BCL11B: variants seen among roughly 807,000 people sequenced by gnomAD.
BCL11B encodes BCL11 transcription factor B, also known as B-cell lymphoma/leukemia 11B.
Under a neutral mutation model 49.9 loss-of-function variants are expected in BCL11B, and 8 were observed. That is an observed-to-expected ratio of 0.16 (90% CI 0.09 to 0.29). BCL11B has a LOEUF of 0.29. Among genes scored for constraint, BCL11B ranks in the 10% least tolerant of loss-of-function variants. BCL11B has a pLI of 1.00. For synonymous variants in BCL11B, 739 were observed against 637.4 expected, an observed-to-expected ratio of 1.16 and a Z score of -2.40; for missense variants, 1,006 against 1,351.0, an observed-to-expected ratio of 0.74 and a Z score of 4.00.
At chr14:99,250,167 C>A (rs1320176025) in intron 2 of BCL11B, among the ~76,000 whole-genome samples, 7 of 151,204 alleles carry the variant, frequency 4.6e-5, no homozygotes, top group Admixed American at 2.6e-4. Context: ...TCCTGAGTAG[C>A]TGGGACTACA....
rs776138769 is a variant in BCL11B, at chr14:99,242,699, A to G, written c.428-11142T>C. ...TCTGTATTTCCTAACTAACAAGACT[A>G]ATCCAGAGGTTTTGGACCCTGCCAG... On this transcript the variant is annotated intron_variant, in intron 2 of 3. Transcript: ENST00000357195. The surrounding 1 kb of genome is among the most constrained non-coding windows in gnomAD (Gnocchi z 4.4). Among the ~76,000 whole-genome samples the G allele has an allele frequency of 3.9e-5, 6 of 152,276 alleles. No homozygotes were observed. Among genetic ancestry groups the G allele is most frequent in the Non-Finnish European group, 8.8e-5 (6 of 68,048 alleles).
chr14:99,259,968 T>C (rs1889288858), intron 1 of BCL11B, among the ~76,000 whole-genome samples: 1 of 152,232 alleles, frequency 6.6e-6, no homozygotes, highest in Non-Finnish European at 1.5e-5. Context: ...ATACTGTTTA[T>C]ATTGAAAAGC....
At chr14:99,270,553 G>A (rs940399606) in intron 1 of BCL11B, among the ~76,000 whole-genome samples, 2 of 152,126 alleles carry the variant, frequency 1.3e-5, no homozygotes, top group East Asian at 2.0e-4. Context: ...AGCAGGAGGA[G>A]GGGAGAGAAA....
chr14:99,221,820 G>A (rs982091526), intron 3 of BCL11B, among the ~76,000 whole-genome samples: 6 of 152,236 alleles, frequency 3.9e-5, no homozygotes, highest in African/African-American at 7.2e-5. Context: ...GCACCCCATC[G>A]CAGTGAGTTC....
At chr14:99,259,354 A>C (rs1889271433) in intron 1 of BCL11B, among the ~76,000 whole-genome samples, 1 of 152,212 alleles carries the variant, frequency 6.6e-6, no homozygotes, top group African/African-American at 2.4e-5. Flanking sequence ...CTCCCATCCT[A>C]CACATAAATC....
At chr14:99,187,404 T>A (rs986787311) in intron 3 of BCL11B, among the ~76,000 whole-genome samples, 1 of 152,132 alleles carries the variant, frequency 6.6e-6, no homozygotes, top group Non-Finnish European at 1.5e-5. Context: ...AAAGAATGCG[T>A]TGTCAGAGTC....
chr14:99,174,995 A>C lies in BCL11B; in HGVS notation c.1841T>G (p.Leu614Arg), dbSNP rs1286947252. 3.2e-6 allele frequency: 5 copies of C among 1,581,836 alleles called. No individual in the cohort carries two copies. Among genetic ancestry groups the C allele is most frequent in the Non-Finnish European group, 3.4e-6 (4 of 1,171,038 alleles). Residue 614 changes from leucine to arginine, a missense_variant, in exon 4 of 4, where the codon CTG (leucine) becomes CGG (arginine). Coordinates refer to ENST00000357195, the MANE Select transcript of BCL11B (RefSeq NM_138576.4). Reference protein sequence around the residue: ...LGALPQYGELLADKQKRGAFL... With the variant: ...LGALPQYGELRADKQKRGAFL... Reference sequence around the variant, plus strand: ...GGCGCCGCGCTTCTGCTTGTCGGCCAGGAGCTCGCCGTACTGCGGCAGTGC... The same window carrying C: ...GGCGCCGCGCTTCTGCTTGTCGGCCCGGAGCTCGCCGTACTGCGGCAGTGC...
chr14:99,183,625 C>A (rs946258283), intron 3 of BCL11B, among the ~76,000 whole-genome samples: 1 of 152,082 alleles, frequency 6.6e-6, no homozygotes, highest in African/African-American at 2.4e-5. Context: ...CTGGGTCGTT[C>A]GCTGTAGGAT....
chr14:99,199,685 C>CGT (rs1555378688), intron 3 of BCL11B, among the ~76,000 whole-genome samples: 4,574 of 58,894 alleles, frequency 0.078, 176 homozygotes, highest in African/African-American at 0.12. Context: ...TGTGTGTGTG[C>CGT]GCGCGCGCGC....
rs1887122549 is a variant in BCL11B, at chr14:99,194,413, G to A, written c.641-18218C>T. Among the ~76,000 whole-genome samples the A allele has an allele frequency of 1.3e-5, 2 of 152,224 alleles. No individual in the cohort carries two copies. Among genetic ancestry groups the A allele is most frequent in the Non-Finnish European group, 2.9e-5 (2 of 68,040 alleles). ...GGGTGGCAGGGCCAGGAAGATGCCT[G>A]TAGGCATGGCCAGAGCTCTGTCCTT... On this transcript the variant is annotated intron_variant, in intron 3 of 3. Coordinates refer to ENST00000357195, the MANE Select transcript of BCL11B (RefSeq NM_138576.4). This position sits in a 1 kb window ranked among gnomAD's most constrained non-coding sequence, Gnocchi z 4.6.
In BCL11B at chr14:99,175,047, T is replaced by C. The variant is rs377444580; in HGVS notation, c.1789A>G (p.Lys597Glu). 3.3e-5 allele frequency: 53 copies of C among 1,598,354 alleles called. No individual in the cohort carries two copies. The highest frequency in any genetic ancestry group is 5.9e-6 in the Non-Finnish European group (7 of 1,177,178). The change falls in exon 4 of 4, where the codon AAG (lysine) becomes GAG (glutamate). Residue 597 changes from lysine (K) to glutamate (E), a missense_variant. This residue lies in a region of BCL11B where 443 missense variants were observed against 499.7 expected (regional missense o/e 0.89). Coordinates refer to ENST00000357195, the MANE Select transcript of BCL11B (RefSeq NM_138576.4). ...CCTAGGCCCACGTTCTCCATGACCT[T>C]GCCCAGCACCAGCGCCTTCTCGTCA... ...LADEKALVLG[K>E]VMENVGLGAL... is the part of the protein sequence containing the mutation.
chr14:99,194,241 G>C lies in BCL11B; in HGVS notation c.641-18046C>G, dbSNP rs991952072. Among the ~76,000 whole-genome samples, 1 of 152,056 alleles carries C rather than the reference G, an allele frequency of 6.6e-6. No individual in the cohort carries two copies. Among genetic ancestry groups the C allele is most frequent in the East Asian group, 1.9e-4 (1 of 5,176 alleles). ...ACAGCCCCAGCACAGAGCAAGTGCT[G>C]CTGGCCCCGGACTGTCCCCCAGCAG... is the stretch of plus-strand genomic sequence containing the variant. On this transcript the variant is annotated intron_variant, in intron 3 of 3. Transcript: ENST00000357195. This position sits in a 1 kb window ranked among gnomAD's most constrained non-coding sequence, Gnocchi z 4.6.
intron 3 of BCL11B, among the ~76,000 whole-genome samples, chr14:99,219,678 C>A (rs976354730): frequency 2.0e-5 from 3 of 152,098 alleles, no homozygotes; most frequent in Non-Finnish European, 2.9e-5. Context: ...TGCTAAGTCA[C>A]ACTCAAATCA....
At chr14:99,214,844 G>A (rs1230414517) in intron 3 of BCL11B, among the ~76,000 whole-genome samples, 1 of 152,068 alleles carries the variant, frequency 6.6e-6, no homozygotes, top group Non-Finnish European at 1.5e-5. Flanking sequence ...CCTGAAGCAG[G>A]GGAGGGGTCA....
intron 2 of BCL11B, among the ~76,000 whole-genome samples, chr14:99,245,941 C>G (rs1019686076): frequency 6.6e-6 from 1 of 151,100 alleles, no homozygotes; most frequent in Non-Finnish European, 1.5e-5. Context: ...GGCTGGGGAC[C>G]GACGGGGGCG....
At chr14:99,201,393 G>A (rs576904381) in intron 3 of BCL11B, among the ~76,000 whole-genome samples, 35 of 152,280 alleles carry the variant, frequency 2.3e-4, no homozygotes, top group Non-Finnish European at 2.9e-4. Flanking sequence ...GAAGGCCTGC[G>A]GCAACATGAA....
intron 3 of BCL11B, among the ~76,000 whole-genome samples, chr14:99,190,641 G>A (rs1350228944): frequency 6.6e-6 from 1 of 152,046 alleles, no homozygotes; most frequent in African/African-American, 2.4e-5. Flanking sequence ...AGGGAGGAAG[G>A]GCAGTAAAAC....
At chr14:99,215,319 T>C (rs1016128501) in intron 3 of BCL11B, among the ~76,000 whole-genome samples, 1 of 152,252 alleles carries the variant, frequency 6.6e-6, no homozygotes, top group Non-Finnish European at 1.5e-5. Context: ...GCATCTGTTA[T>C]GGGTTAAAAT....
chr14:99,173,871 T>G lies in BCL11B; in HGVS notation c.*280A>C. On this transcript the variant is annotated 3_prime_UTR_variant, in exon 4 of 4. Coordinates refer to ENST00000357195, the MANE Select transcript of BCL11B (RefSeq NM_138576.4). ...CTTAAAGGAATTCAAACAGAAAAAA[T>G]AATAATAAAAAGTACCTGCACATGC... The G allele has an allele frequency of 2.4e-6, 1 of 421,582 alleles. No homozygotes were observed. The highest frequency in any genetic ancestry group is 4.2e-6 in the Non-Finnish European group (1 of 237,808). The allele number at this position is 421,582 out of a possible 1,614,324, so 26.1% of individuals were successfully genotyped here. A position where few individuals can be genotyped will look rare whatever the true frequency, so the allele number is the denominator to read the frequency against.
Sources: gnomAD v4.1 joint callset for allele counts (sites outside exome capture counted in the v4.1 genomes callset) on GRCh38, gnomAD v4.1.1 for gene constraint, gnomAD v4.1.1 regional missense constraint, Gnocchi (gnomAD v3.1) non-coding constraint, MANE v1.5 for transcripts, NCBI Gene and HGNC (gene_info 2026-07-23, HGNC 2026-07-21) for gene names.